The following MTO1 variants were observed in gnomAD, a reference collection of about 807,000 sequenced individuals.
The protein encoded by MTO1 is mitochondrial tRNA translation optimization 1.
MTO1 carries 46 observed loss-of-function variants against 71.6 expected under a neutral mutation model. The observed-to-expected ratio is 0.64, with a 90% confidence interval of 0.51 to 0.82. The LOEUF is 0.82. Among genes scored for constraint, MTO1 ranks in the 40% least tolerant of loss-of-function variants. MTO1 has a pLI of 0.00. For synonymous variants in MTO1, 297 were observed against 312.1 expected, an observed-to-expected ratio of 0.95 and a Z score of 0.51; for missense variants, 773 against 867.5, an observed-to-expected ratio of 0.89 and a Z score of 1.37.
intron 9 of MTO1, among the ~76,000 whole-genome samples, chr6:73,484,903 C>A (rs1291872295): frequency 6.6e-6 from 1 of 151,908 alleles, no homozygotes; most frequent in African/African-American, 2.4e-5. Flanking sequence ...AAAAATTAGC[C>A]AGGCATGGTG....
In MTO1 at chr6:73,503,727, TAAG is replaced by T. The variant is rs1772218968; in HGVS notation, c.*2995_*2997del. ...TCAATTCAACAGGAACACCAAAAAATAAGAAATGACTAAGAAACACTAAGCATT... is the reference window on the plus strand; with the variant it reads ...TCAATTCAACAGGAACACCAAAAAATAAATGACTAAGAAACACTAAGCATT... On this transcript the variant is annotated 3_prime_UTR_variant, in exon 12 of 12. Transcript: ENST00000498286. 6.6e-6 allele frequency: 1 copy of T among 152,040 alleles called. No homozygotes were observed. The highest frequency in any genetic ancestry group is 2.4e-5 in the African/African-American group (1 of 41,402). The allele number at this position is 152,040 out of a possible 1,614,324, so 9.4% of individuals were successfully genotyped here. A position where few individuals can be genotyped will look rare whatever the true frequency, so the allele number is the denominator to read the frequency against.
intron 1 of MTO1, among the ~76,000 whole-genome samples, chr6:73,465,738 G>A (rs1212455391): frequency 1.3e-5 from 2 of 152,110 alleles, no homozygotes; most frequent in Non-Finnish European, 2.9e-5. Flanking sequence ...TGTAATCCCA[G>A]CACTCTGGGA....
intron 3 of MTO1, among the ~76,000 whole-genome samples, chr6:73,469,031 C>T (rs577875132): frequency 9.9e-5 from 15 of 151,994 alleles, no homozygotes; most frequent in Non-Finnish European, 1.6e-4. Context: ...GTTTTGGAGA[C>T]AGGGTCTTAC....
intron 10 of MTO1, among the ~76,000 whole-genome samples, chr6:73,495,736 T>C (rs911720701): frequency 6.6e-6 from 1 of 152,170 alleles, no homozygotes; most frequent in Non-Finnish European, 1.5e-5. Flanking sequence ...ATTATACCCT[T>C]ATATACCTTT....
chr6:73,487,228 C>T (rs1298708546), intron 9 of MTO1, among the ~76,000 whole-genome samples: 1 of 136,982 alleles, frequency 7.3e-6, no homozygotes, highest in African/African-American at 2.7e-5. Flanking sequence ...GAGACCGTCT[C>T]ACTCTGTCAC....
In MTO1 at chr6:73,497,813, A is replaced by G. The variant is rs750320033; in HGVS notation, c.1834A>G (p.Lys612Glu). ...GCAAGATGAAGCTCTCCAACTGCCA[A>G]AAGACCTAGATTATTTGACTATCAG... is the stretch of plus-strand genomic sequence containing the variant. Reference protein sequence around the residue: ...VQQDEALQLPKDLDYLTIRDV... With the variant: ...VQQDEALQLPEDLDYLTIRDV... Residue 612 changes from lysine (K) to glutamate (E), a missense_variant, in exon 11 of 12, where the codon AAA becomes GAA. Coordinates refer to ENST00000498286, the MANE Select transcript of MTO1 (RefSeq NM_012123.4). The G allele has an allele frequency of 5.6e-6, 9 of 1,613,958 alleles. No homozygotes were observed. Among genetic ancestry groups the G allele is most frequent in the South Asian group, 4.4e-5 (4 of 91,078 alleles).
At chr6:73,477,121 C>T (rs1173262962) in intron 4 of MTO1, among the ~76,000 whole-genome samples, 1 of 150,270 alleles carries the variant, frequency 6.7e-6, no homozygotes, top group Non-Finnish European at 1.5e-5. Flanking sequence ...AGAGTCCAGG[C>T]GCAGTGGCTC....
rs941405260 is a variant in MTO1 at position 73,507,293 on chromosome 6, G to A, written c.*6558G>A. On this transcript the variant is annotated 3_prime_UTR_variant, in exon 12 of 12. Transcript: ENST00000498286. The stretch of plus-strand genomic sequence containing the variant: ...TGCAGTGAGCTCTGATTATACCACT[G>A]TACTCCAGCCTAGGCAACAGAGCAA... The A allele has an allele frequency of 6.6e-6, 1 of 152,092 alleles. No individual in the cohort carries two copies. The highest frequency in any genetic ancestry group is 6.6e-5 in the Admixed American group (1 of 15,262). The allele number at this position is 152,092 out of a possible 1,614,324, so 9.4% of individuals were successfully genotyped here.
rs750561363 is a variant in MTO1 at position 73,482,627 on chromosome 6, A to G, written c.1637+7A>G. On this transcript the variant is annotated splice_region_variant and intron_variant, in intron 9 of 11. Coordinates refer to ENST00000498286, the MANE Select transcript of MTO1 (RefSeq NM_012123.4). ...GTAGAAGTCTGCCTGTCAGGTATGC[A>G]TTTTTAATATAGACCTTTCTCACTT... The G allele has an allele frequency of 2.5e-6, 4 of 1,583,074 alleles. No homozygotes were observed. In the African/African-American group the frequency reaches 4.1e-5, roughly 16 times the overall value.
chr6:73,493,059 A>T (rs1472071220), intron 10 of MTO1, among the ~76,000 whole-genome samples: 2 of 135,866 alleles, frequency 1.5e-5, no homozygotes, highest in Non-Finnish European at 3.1e-5. Flanking sequence ...CAGTGGCATG[A>T]TCTCGGTTCA....
chr6:73,482,849 T>G (rs1444191557), intron 9 of MTO1, among the ~76,000 whole-genome samples: 1 of 137,198 alleles, frequency 7.3e-6, no homozygotes, highest in African/African-American at 2.7e-5. Flanking sequence ...CAGACTGCAG[T>G]GGTGCGATCT....
intron 9 of MTO1, among the ~76,000 whole-genome samples, chr6:73,489,265 G>GTTTTCTTT (rs1271727213): frequency 1.7e-5 from 2 of 117,854 alleles, no homozygotes; most frequent in Non-Finnish European, 3.5e-5. Flanking sequence ...TTATTTCTGG[G>GTTTTCTTT]TTTTCTTTTT....
intron 9 of MTO1, 36 bp downstream of exon 9, chr6:73,482,656 A>G (rs374272350): frequency 5.9e-6 from 9 of 1,517,272 alleles, no homozygotes; most frequent in East Asian, 2.3e-5. Flanking sequence ...CTCACTTTTT[A>G]TAGAAAAATA....
rs76335462 is a variant in MTO1 at position 73,473,635 on chromosome 6, A to G, written c.806A>G (p.Asn269Ser). ...DNPSIPFSFT[N>S]ETVWIKPEDQ... ...CCATCCATACCATTCAGCTTTACCAATGAGACAGTATGGATTAAGGTAAGA... is the reference window on the plus strand; with the variant it reads ...CCATCCATACCATTCAGCTTTACCAGTGAGACAGTATGGATTAAGGTAAGA... Residue 269 changes from asparagine (N) to serine (S), a missense_variant, in exon 4 of 12, where the codon AAT becomes AGT. By Grantham distance (46) the Asn-to-Ser change is conservative (BLOSUM62 1). Transcript: ENST00000498286. 8 of 1,612,540 alleles carry G rather than the reference A, an allele frequency of 5.0e-6. No homozygotes were observed. The African/African-American group carries it at 8.0e-5, about 16-fold the overall frequency.
rs192703057 is a variant in MTO1 at position 73,480,548 on chromosome 6, G to A, written c.1130-127G>A. ...GCCCCCCAAAGTGCTGAGATTACAG[G>A]TGTGAGCCACTGCTCCTGACCTAAA... On this transcript the variant is annotated intron_variant, in intron 6 of 11. Transcript: ENST00000498286. 2,429 of 1,212,370 alleles carry A rather than the reference G, an allele frequency of 2.0e-3. 8 individuals carry two copies. The highest frequency in any genetic ancestry group is 4.8e-3 in the Middle Eastern group (23 of 4,834). 75.1% of individuals were successfully genotyped at this position (1,212,370 alleles called of 1,614,324 possible).
At position 73,490,461 on chromosome 6, in the gene MTO1, T is replaced by G. The variant is rs891050588; in HGVS notation, c.1638-1773T>G. On this transcript the variant is annotated intron_variant, in intron 9 of 11. Transcript: ENST00000498286. ...AGTCTTTAATCCATCTTGAATTAAT[T>G]TTTGTATAAGGTGTAAGGAAGGGAT... Among the ~76,000 whole-genome samples, 25 of 152,092 alleles carry G rather than the reference T, an allele frequency of 1.6e-4. 1 individual carries two copies. The highest frequency in any genetic ancestry group is 5.8e-4 in the African/African-American group (24 of 41,396).
At chr6:73,462,641 A>G (rs1037142657) in intron 1 of MTO1, among the ~76,000 whole-genome samples, 1 of 152,052 alleles carries the variant, frequency 6.6e-6, no homozygotes, top group Non-Finnish European at 1.5e-5. Flanking sequence ...AGGCAGGAGA[A>G]TCGCTTGAAC....
Position 73,479,356 on chromosome 6 carries a change from G to A in MTO1, c.826-376G>A, listed in dbSNP as rs553638957. Among the ~76,000 whole-genome samples, 123 of 151,896 alleles carry A rather than the reference G, an allele frequency of 8.1e-4. 1 individual carries two copies. The highest frequency in any genetic ancestry group is 2.9e-3 in the South Asian group (14 of 4,804). ...CCAAAAATACAAAAATTAGCCGAAC[G>A]TAGTGGTGCATGCCTGTGATCCCAG... On this transcript the variant is annotated intron_variant, in intron 4 of 11. Coordinates refer to ENST00000498286, the MANE Select transcript of MTO1 (RefSeq NM_012123.4).
chr6:73,486,403 G>A (rs528013773), intron 9 of MTO1, among the ~76,000 whole-genome samples: 57 of 151,842 alleles, frequency 3.8e-4, no homozygotes, highest in African/African-American at 1.4e-3. Context: ...CCAGCCCCTG[G>A]TAACCCCATT....
Sources: gnomAD v4.1 joint callset for allele counts (sites outside exome capture counted in the v4.1 genomes callset) on GRCh38, gnomAD v4.1.1 for gene constraint, MANE v1.5 for transcripts, NCBI Gene and HGNC (gene_info 2026-07-23, HGNC 2026-07-21) for gene names.